Variants in DPYS observed in about 807,000 individuals in gnomAD.
The protein encoded by DPYS is dihydropyrimidine amidohydrolase.
Under a neutral mutation model 50.3 loss-of-function variants are expected in DPYS, and 39 were observed. That is an observed-to-expected ratio of 0.78 (90% CI 0.60 to 1.01). DPYS has a LOEUF of 1.01. DPYS is among the 50% of genes least tolerant of loss of function. DPYS has a pLI of 0.00. For synonymous variants in DPYS, 245 were observed against 250.7 expected (o/e 0.98, Z 0.22); for missense variants, 659 against 680.9 (o/e 0.97, Z 0.36).
chr8:104,436,960 C>T (rs1013341686), intron 4 of DPYS, among the ~76,000 whole-genome samples: 3 of 151,772 alleles, frequency 2.0e-5, no homozygotes, highest in African/African-American at 7.3e-5. Flanking sequence ...AGAACAAGAA[C>T]GTTTTCTTGG....
At chr8:104,431,026 T>C (rs1032463499) in intron 4 of DPYS, among the ~76,000 whole-genome samples, 4 of 152,186 alleles carry the variant, frequency 2.6e-5, no homozygotes, top group African/African-American at 9.7e-5. Flanking sequence ...ATGGACACGA[T>C]ATTTTATTTG....
chr8:104,422,232 ATAAAG>A (rs1564095110), intron 7 of DPYS, among the ~76,000 whole-genome samples: 1 of 152,224 alleles, frequency 6.6e-6, no homozygotes, highest in Admixed American at 6.5e-5. Flanking sequence ...TCACCACACA[ATAAAG>A]TATTTTCATT....
chr8:104,413,824 T>C (rs1297883577), intron 7 of DPYS, among the ~76,000 whole-genome samples: 1 of 152,184 alleles, frequency 6.6e-6, no homozygotes, highest in Non-Finnish European at 1.5e-5. Context: ...TCTGATGGTA[T>C]TACAGGCAGG....
intron 7 of DPYS, among the ~76,000 whole-genome samples, chr8:104,408,882 T>G (rs1411297921): frequency 2.0e-5 from 3 of 151,800 alleles, no homozygotes; most frequent in African/African-American, 4.8e-5. Flanking sequence ...GGCATGATCT[T>G]GGCTCACTGC....
chr8:104,404,778 C>T lies in DPYS; in HGVS notation c.1236-11787G>A, dbSNP rs2140554819. Among the ~76,000 whole-genome samples the T allele has an allele frequency of 1.3e-5, 2 of 152,368 alleles. 1 individual carries two copies. The highest frequency in any genetic ancestry group is 4.1e-4 in the South Asian group (2 of 4,832). On this transcript the variant is annotated intron_variant, in intron 7 of 9. Coordinates refer to ENST00000351513, the MANE Select transcript of DPYS (RefSeq NM_001385.3). The stretch of plus-strand genomic sequence containing the variant: ...AGTTTTATTGAAACACAGTCACATT[C>T]ATTTACATATTATTTGTTGCTGCTT...
At chr8:104,461,505 A>G (rs538711432) in intron 1 of DPYS, among the ~76,000 whole-genome samples, 9 of 152,174 alleles carry the variant, frequency 5.9e-5, no homozygotes, top group Admixed American at 1.3e-4. Flanking sequence ...GCAATCATCA[A>G]GAATATGAAC....
intron 1 of DPYS, among the ~76,000 whole-genome samples, chr8:104,458,679 A>G (rs972828139): frequency 2.0e-5 from 3 of 152,204 alleles, no homozygotes; most frequent in Admixed American, 6.5e-5. Flanking sequence ...ATGATGGTTC[A>G]CTTTTCCAAT....
At chr8:104,391,256 G>T (rs1429415248) in intron 8 of DPYS, among the ~76,000 whole-genome samples, 2 of 151,200 alleles carry the variant, frequency 1.3e-5, no homozygotes, top group African/African-American at 2.4e-5. Flanking sequence ...AGATCCAAAT[G>T]AATTGAATCA....
chr8:104,409,869 T>C (rs75740416), intron 7 of DPYS, among the ~76,000 whole-genome samples: 1,552 of 152,342 alleles, frequency 0.01, 24 homozygotes, highest in African/African-American at 0.035. Flanking sequence ...CCCAAGGTCC[T>C]GCAGCCAGTA....
At chr8:104,458,415 C>T (rs929549099) in intron 1 of DPYS, among the ~76,000 whole-genome samples, 1 of 152,198 alleles carries the variant, frequency 6.6e-6, no homozygotes, top group African/African-American at 2.4e-5. Context: ...CAGAGAGAGA[C>T]ATCATTCATG....
intron 6 of DPYS, among the ~76,000 whole-genome samples, chr8:104,426,912 A>C (rs572485618): frequency 3.7e-4 from 57 of 152,308 alleles, no homozygotes; most frequent in African/African-American, 1.3e-3. Context: ...TTAAGAAGTG[A>C]CATCAGGCTG....
chr8:104,450,824 G>A (rs2140733381), intron 2 of DPYS, among the ~76,000 whole-genome samples: 1 of 152,092 alleles, frequency 6.6e-6, no homozygotes, highest in Admixed American at 6.5e-5. Context: ...TCTAAATTTA[G>A]AATTTCCTTG....
At chr8:104,400,339 T>C (rs1811753613) in intron 7 of DPYS, among the ~76,000 whole-genome samples, 2 of 152,330 alleles carry the variant, frequency 1.3e-5, no homozygotes, top group African/African-American at 2.4e-5. Context: ...ACCAAGAAGA[T>C]CTTTTCAACT....
rs1221294987 is a variant in DPYS at position 104,466,932 on chromosome 8, C to G, written c.-12G>C. 6.9e-7 allele frequency: 1 copy of G among 1,455,312 alleles called. No individual in the cohort carries two copies. Among genetic ancestry groups the G allele is most frequent in the African/African-American group, 1.5e-5 (1 of 67,512 alleles). The allele number at this position is 1,455,312 out of a possible 1,614,324, so 90.1% of individuals were successfully genotyped here. A position where few individuals can be genotyped will look rare whatever the true frequency, so the allele number is the denominator to read the frequency against. On this transcript the variant is annotated 5_prime_UTR_variant, in exon 1 of 10. Transcript: ENST00000351513. ...GAGGGCGCCGCCATAGCGAGGGGCG[C>G]GCGGGGTCCTACTCGGCCCGGGCTG... is the stretch of plus-strand genomic sequence containing the variant.
At chr8:104,401,947 G>A (rs7014456) in intron 7 of DPYS, among the ~76,000 whole-genome samples, 15,845 of 152,208 alleles carry the variant, frequency 0.1, 1,677 homozygotes, top group African/African-American at 0.28. Flanking sequence ...CTTCAGCCAC[G>A]TTATTAAATC....
At chr8:104,447,938 A>C (rs1813595166) in intron 2 of DPYS, among the ~76,000 whole-genome samples, 1 of 152,166 alleles carries the variant, frequency 6.6e-6, no homozygotes, top group African/African-American at 2.4e-5. Flanking sequence ...GAGTTCTTAG[A>C]AGGAGAAAGT....
chr8:104,461,849 C>T (rs1311463036), intron 1 of DPYS, among the ~76,000 whole-genome samples: 1 of 151,974 alleles, frequency 6.6e-6, no homozygotes, highest in East Asian at 1.9e-4. Context: ...ATCACATTCT[C>T]CAGTGGTATT....
At chr8:104,431,129 G>A (rs1453220753) in intron 4 of DPYS, among the ~76,000 whole-genome samples, 1 of 152,094 alleles carries the variant, frequency 6.6e-6, no homozygotes, top group Non-Finnish European at 1.5e-5. Context: ...CACTTTACAA[G>A]TCGCTGACTG....
Position 104,429,625 on chromosome 8 carries a change from G to T in DPYS, c.870C>A (p.His290Gln), listed in dbSNP as rs774544043. ...GACCCATGACATGGTGGGCTGCATG[G>T]TGCCATTCTTTATTCCAGTAGTGAG... Reference protein sequence around the residue: ...DGTHYWNKEWHHAAHHVMGPP... With the variant: ...DGTHYWNKEWQHAAHHVMGPP... The change falls in exon 5 of 10, where the codon CAC becomes CAA. Residue 290 changes from histidine to glutamine, a missense_variant. Physicochemically the swap from His to Gln is conservative, Grantham distance 24. Transcript: ENST00000351513. 6.2e-7 allele frequency: 1 copy of T among 1,614,040 alleles called. No individual in the cohort carries two copies. Among genetic ancestry groups the T allele is most frequent in the South Asian group, 1.1e-5 (1 of 91,090 alleles).
Sources: gnomAD v4.1 joint callset for allele counts (sites outside exome capture counted in the v4.1 genomes callset) on GRCh38, gnomAD v4.1.1 for gene constraint, MANE v1.5 for transcripts, NCBI Gene and HGNC (gene_info 2026-07-23, HGNC 2026-07-21) for gene names.